Variants in MPP7 observed in about 807,000 individuals in gnomAD.
The protein encoded by MPP7 is MAGUK p55 subfamily member 7.
MPP7 carries 60 observed loss-of-function variants against 76.5 expected under a neutral mutation model. The ratio of observed to expected loss-of-function variants is 0.78; its 90% CI spans 0.64 to 0.97. The LOEUF is 0.97. Ranked by LOEUF, MPP7 falls within the 50% of genes least tolerant of loss-of-function variation. MPP7 has a pLI of 0.00. For missense variants in MPP7, 641 were observed against 694.0 expected, an observed-to-expected ratio of 0.92 and a Z score of 0.86; for synonymous variants, 237 against 244.5, an observed-to-expected ratio of 0.97 and a Z score of 0.29.
chr10:28,072,753 C>A (rs571124057), intron 12 of MPP7, among the ~76,000 whole-genome samples: 10 of 152,314 alleles, frequency 6.6e-5, no homozygotes, highest in Admixed American at 3.3e-4. Flanking sequence ...GGAGCTGATT[C>A]ACTATGAAAA....
chr10:28,232,391 AAATTG>A (rs1564720381), intron 2 of MPP7, among the ~76,000 whole-genome samples: 3 of 151,000 alleles, frequency 2.0e-5, no homozygotes, highest in South Asian at 4.2e-4. Flanking sequence ...ACACACACAC[AAATTG>A]ATTGGTAACG....
At chr10:28,202,440 A>G (rs1261776715) in intron 2 of MPP7, among the ~76,000 whole-genome samples, 169 bp from the exon 3 acceptor site, 4 of 152,236 alleles carry the variant, frequency 2.6e-5, no homozygotes, top group Admixed American at 6.5e-5. Flanking sequence ...TCTGGCTTTT[A>G]AATTCCAAAG....
At chr10:28,224,209 C>A (rs1436975177) in intron 2 of MPP7, among the ~76,000 whole-genome samples, 1 of 151,862 alleles carries the variant, frequency 6.6e-6, no homozygotes, top group Non-Finnish European at 1.5e-5. Context: ...AATAAATACA[C>A]AATTTCACAG....
chr10:28,157,872 G>A (rs1836120353), intron 3 of MPP7, among the ~76,000 whole-genome samples: 1 of 152,076 alleles, frequency 6.6e-6, no homozygotes, highest in African/African-American at 2.4e-5. Flanking sequence ...AGGTCTGATG[G>A]CTTCCTATTC....
chr10:28,219,483 C>A (rs1352874550), intron 2 of MPP7, among the ~76,000 whole-genome samples: 1 of 152,066 alleles, frequency 6.6e-6, no homozygotes, highest in Non-Finnish European at 1.5e-5. Flanking sequence ...TTTAATATCA[C>A]CATTCTTGTC....
intron 3 of MPP7, among the ~76,000 whole-genome samples, chr10:28,182,492 C>T (rs1040910484): frequency 6.6e-6 from 1 of 152,322 alleles, no homozygotes; most frequent in Admixed American, 6.5e-5. Flanking sequence ...GGTCCAGCAA[C>T]TCCATTCTTA....
intron 2 of MPP7, among the ~76,000 whole-genome samples, chr10:28,321,740 A>T (rs1834370507): frequency 6.6e-6 from 1 of 151,984 alleles, no homozygotes; most frequent in African/African-American, 2.4e-5. Context: ...ATGTGCCACC[A>T]CACCCGGCTA....
At chr10:28,088,150 G>T (rs541830527) in intron 12 of MPP7, among the ~76,000 whole-genome samples, 2 of 151,982 alleles carry the variant, frequency 1.3e-5, no homozygotes, top group African/African-American at 2.4e-5. Context: ...GAACAGCATG[G>T]GTTGTAACCT....
chr10:28,269,323 G>C (rs1051680764), intron 1 of MPP7, among the ~76,000 whole-genome samples: 16 of 152,092 alleles, frequency 1.1e-4, no homozygotes, highest in Non-Finnish European at 2.1e-4. Flanking sequence ...TCAACAAACT[G>C]AGGTCGATTT....
In MPP7 at chr10:28,210,203, G is replaced by C. The variant is rs189390573; in HGVS notation, c.38-7932C>G. Among the ~76,000 whole-genome samples the C allele has an allele frequency of 2.9e-3, 440 of 152,136 alleles. 6 individuals are homozygous for C. Among genetic ancestry groups the C allele is most frequent in the Middle Eastern group, 0.014 (4 of 294 alleles). On this transcript the variant is annotated intron_variant, in intron 2 of 16. Coordinates refer to ENST00000683449, the MANE Select transcript of MPP7 (RefSeq NM_001318170.2). Reference sequence around the variant, plus strand: ...CAGATGGCAGATCACTGGACTTCTCGACCTCCATAATCACGTGAGTGAATT... The same window carrying C: ...CAGATGGCAGATCACTGGACTTCTCCACCTCCATAATCACGTGAGTGAATT...
chr10:28,087,883 T>C (rs907723619), intron 12 of MPP7, among the ~76,000 whole-genome samples: 15 of 152,136 alleles, frequency 9.9e-5, no homozygotes, highest in Non-Finnish European at 1.3e-4. Context: ...AGCACACCTC[T>C]ATAAGGATGA....
intron 1 of MPP7, among the ~76,000 whole-genome samples, chr10:28,251,595 T>C (rs78008769): frequency 0.013 from 1,913 of 152,314 alleles, 42 homozygotes; most frequent in African/African-American, 0.043. Context: ...ATCAATCTAC[T>C]GTAAAATATA....
Position 28,294,276 on chromosome 10 carries a change from C to T in MPP7, c.-132+8585G>A, listed in dbSNP as rs1240992603. 2.0e-5 allele frequency among the ~76,000 whole-genome samples: 3 copies of T among 152,338 alleles called. No individual in the cohort carries two copies. In the East Asian group the frequency reaches 5.8e-4, roughly 29 times the overall value. On this transcript the variant is annotated intron_variant, in intron 1 of 16. Transcript: ENST00000683449. ...GAGCTGAGATCACACCACTGCACTCCAGCCTGGGGGACAGAGCAAGACTCC... is the reference window on the plus strand; with the variant it reads ...GAGCTGAGATCACACCACTGCACTCTAGCCTGGGGGACAGAGCAAGACTCC...
upstream of MPP7, chr10:28,305,846 TATG>T (rs2133168512): frequency 6.6e-6 from 1 of 152,324 alleles, no homozygotes; most frequent in East Asian, 1.9e-4. Context: ...CTGAGCAAAA[TATG>T]AGGAGAAGCA....
intron 4 of MPP7, 126 bp from the exon 5 acceptor site, chr10:28,147,689 T>C: frequency 1.3e-6 from 1 of 791,238 alleles, no homozygotes; most frequent in Non-Finnish European, 2.1e-6. Flanking sequence ...GAGGTCAGCA[T>C]AAAAGAAAAC....
intron 11 of MPP7, among the ~76,000 whole-genome samples, chr10:28,114,957 T>C (rs1834615853): frequency 6.6e-6 from 1 of 152,216 alleles, no homozygotes; most frequent in Admixed American, 6.5e-5. Flanking sequence ...ATCTTCGATT[T>C]AAGTGATCAG....
chr10:28,323,009 G>A (rs1048439010), intron 2 of MPP7, among the ~76,000 whole-genome samples: 9 of 152,094 alleles, frequency 5.9e-5, no homozygotes, highest in African/African-American at 1.4e-4. Flanking sequence ...AATAGGGGCC[G>A]GGCACGGTGG....
chr10:28,116,990 T>G (rs1046889422), intron 11 of MPP7, among the ~76,000 whole-genome samples: 3 of 152,086 alleles, frequency 2.0e-5, no homozygotes, highest in Admixed American at 6.6e-5. Flanking sequence ...CAAATATAAG[T>G]GCAAAAATGC....
chr10:28,212,712 G>A (rs1442038523), intron 2 of MPP7, among the ~76,000 whole-genome samples: 2 of 152,172 alleles, frequency 1.3e-5, no homozygotes, highest in Non-Finnish European at 2.9e-5. Context: ...TCCGAGTGCT[G>A]TAATCTCACG....
Sources: allele counts gnomAD v4.1 joint callset (sites outside exome capture counted in the v4.1 genomes callset), GRCh38; gene constraint gnomAD v4.1.1; transcripts MANE v1.5; gene names NCBI Gene and HGNC (gene_info 2026-07-23, HGNC 2026-07-21).